SNTG2: variants seen among roughly 807,000 people sequenced by gnomAD.
The protein encoded by SNTG2 is gamma-2-syntrophin.
Under a neutral mutation model 70.9 loss-of-function variants are expected in SNTG2, and 74 were observed. The ratio of observed to expected loss-of-function variants is 1.04; its 90% CI spans 0.86 to 1.27. SNTG2 has a LOEUF of 1.27. SNTG2 is among the 50% of genes most tolerant of loss of function. The pLI is 0.00. For missense variants in SNTG2, 717 were observed against 690.7 expected (o/e 1.04, Z -0.43); for synonymous variants, 278 against 273.8 (o/e 1.02, Z -0.15).
chr2:1,049,269 C>T (rs1661916038), intron 1 of SNTG2, among the ~76,000 whole-genome samples: 1 of 152,162 alleles, frequency 6.6e-6, no homozygotes, highest in South Asian at 2.1e-4. Context: ...ATTATAGTTT[C>T]ATACAGAGTC....
chr2:1,271,774 A>G (rs1447603288), intron 14 of SNTG2, among the ~76,000 whole-genome samples: 1 of 152,132 alleles, frequency 6.6e-6, no homozygotes, highest in African/African-American at 2.4e-5. Context: ...TAGCTGTGCC[A>G]GCCTAGGTCA....
At chr2:1,065,604 G>A (rs927275506) in intron 1 of SNTG2, among the ~76,000 whole-genome samples, 2 of 152,150 alleles carry the variant, frequency 1.3e-5, no homozygotes, top group African/African-American at 4.8e-5. Flanking sequence ...TTTCAAAGGA[G>A]GCATTTTTGT....
At chr2:1,221,917 CTCTCTCTGTCTCTCTCTGTCTCTG>C (rs1675016806) in intron 9 of SNTG2, among the ~76,000 whole-genome samples, 2 of 35,300 alleles carry the variant, frequency 5.7e-5, no homozygotes, top group Non-Finnish European at 1.0e-4. Flanking sequence ...CTGTCTCTGT[CTCTCTCTGTCTCTCTCTGTCTCTG>C]TCTGTCTCTG....
chr2:1,267,355 T>G lies in SNTG2; in HGVS notation c.1078-10T>G, dbSNP rs1230038809. ...CGCTGCACGTTTCCAATCCATGCTC[T>G]GTTTTTCAGTTCTGGCTCACAGAGG... is the stretch of plus-strand genomic sequence containing the variant. On this transcript the variant is annotated splice_polypyrimidine_tract_variant and intron_variant, in intron 13 of 16. Transcript: ENST00000308624. 1.3e-6 allele frequency: 2 copies of G among 1,586,756 alleles called. No homozygotes were observed. The highest frequency in any genetic ancestry group is 8.6e-7 in the Non-Finnish European group (1 of 1,165,020).
intron 1 of SNTG2, among the ~76,000 whole-genome samples, chr2:995,955 G>T (rs1377626903): frequency 6.6e-6 from 1 of 152,032 alleles, no homozygotes; most frequent in Non-Finnish European, 1.5e-5. Flanking sequence ...TAGAATTTCT[G>T]GTTTTAAAAT....
chr2:952,642 C>T (rs142393926), intron 1 of SNTG2, among the ~76,000 whole-genome samples: 4 of 148,556 alleles, frequency 2.7e-5, no homozygotes, highest in Non-Finnish European at 4.4e-5. Context: ...AACAGCCTGT[C>T]TGAATTGTAT....
intron 16 of SNTG2, among the ~76,000 whole-genome samples, chr2:1,352,015 G>A (rs1435773362): frequency 6.6e-6 from 1 of 152,142 alleles, no homozygotes; most frequent in African/African-American, 2.4e-5. Flanking sequence ...CCGACCTGGA[G>A]GTCCCTGGCC....
At chr2:1,065,912 A>G (rs554447511) in intron 1 of SNTG2, among the ~76,000 whole-genome samples, 1 of 152,338 alleles carries the variant, frequency 6.6e-6, no homozygotes, top group African/African-American at 2.4e-5. Flanking sequence ...TGCCAAATGA[A>G]GATAACTTAC....
intron 6 of SNTG2, among the ~76,000 whole-genome samples, chr2:1,156,023 C>T (rs114994612): frequency 0.014 from 2,091 of 152,186 alleles, 26 homozygotes; most frequent in Admixed American, 0.021. Flanking sequence ...AAAGGAACCC[C>T]GCCGAGGAGA....
At chr2:1,174,407 T>C (rs1289306254) in intron 8 of SNTG2, among the ~76,000 whole-genome samples, 3 of 152,202 alleles carry the variant, frequency 2.0e-5, no homozygotes, top group Admixed American at 2.0e-4. Flanking sequence ...GTGAGGTTTT[T>C]TGCTGTATGA....
At chr2:1,242,797 CTGAT>C (rs1272690828) in intron 11 of SNTG2, 1 of 152,096 alleles carries the variant, frequency 6.6e-6, no homozygotes, top group Non-Finnish European at 1.5e-5. Context: ...ATTATCTTGA[CTGAT>C]GGGGTGAAAA....
At chr2:1,125,742 CTT>C (rs35111073) in intron 4 of SNTG2, among the ~76,000 whole-genome samples, 54,277 of 151,918 alleles carry the variant, frequency 0.36, 11,590 homozygotes, top group Non-Finnish European at 0.49. Flanking sequence ...CTTTTTCTCT[CTT>C]GGGGCAAAAA....
intron 1 of SNTG2, among the ~76,000 whole-genome samples, chr2:1,039,593 T>C (rs1351572932): frequency 6.6e-6 from 1 of 152,186 alleles, no homozygotes; most frequent in Non-Finnish European, 1.5e-5. Flanking sequence ...CTTGGGGGGA[T>C]GGCAGAATCA....
intron 8 of SNTG2, among the ~76,000 whole-genome samples, chr2:1,198,747 T>C (rs6749473): frequency 0.32 from 49,284 of 151,882 alleles, 8,537 homozygotes; most frequent in East Asian, 0.65. Context: ...CATCAGAGAC[T>C]ATTAACCACT....
At position 1,361,344 on chromosome 2, in the gene SNTG2, T is replaced by TAA. The variant is rs777254909; in HGVS notation, c.1489-5999_1489-5998insAA. The stretch of plus-strand genomic sequence containing the variant: ...ATAAATGGTCATCAAGTTGACCCAT[T>TAA]TAAAAAAAAAAACTCACAGAATTTT... On this transcript the variant is annotated intron_variant, in intron 16 of 16. Coordinates refer to ENST00000308624, the MANE Select transcript of SNTG2 (RefSeq NM_018968.4). 1.5e-3 allele frequency among the ~76,000 whole-genome samples: 99 copies of TAA among 67,264 alleles called. 1 individual carries two copies. The highest frequency in any genetic ancestry group is 2.6e-3 in the Non-Finnish European group (89 of 33,742). The allele number at this position is 67,264 out of a possible 152,430, so 44.1% of individuals were successfully genotyped here.
chr2:1,112,097 C>A (rs552081783), intron 4 of SNTG2, among the ~76,000 whole-genome samples: 3 of 151,316 alleles, frequency 2.0e-5, no homozygotes, highest in Non-Finnish European at 2.9e-5. Context: ...TGAGGTTAAA[C>A]CCTTACAGTA....
chr2:1,025,272 CAT>C (rs1491099853), intron 1 of SNTG2, among the ~76,000 whole-genome samples: 1 of 152,124 alleles, frequency 6.6e-6, no homozygotes. Context: ...GGTTGGTAAA[CAT>C]AGCACAGGAC....
At chr2:1,124,442 T>C (rs557483669) in intron 4 of SNTG2, among the ~76,000 whole-genome samples, 107 of 152,078 alleles carry the variant, frequency 7.0e-4, no homozygotes, top group African/African-American at 2.6e-3. Context: ...CTACAGGTGC[T>C]CGCCACCACG....
intron 14 of SNTG2, among the ~76,000 whole-genome samples, chr2:1,295,439 G>A (rs1008853140): frequency 6.6e-6 from 1 of 152,188 alleles, no homozygotes; most frequent in Non-Finnish European, 1.5e-5. Flanking sequence ...TAACTTCAGT[G>A]TTTCTTAGTT....
Sources: gnomAD v4.1 joint callset for allele counts (sites outside exome capture counted in the v4.1 genomes callset) on GRCh38, gnomAD v4.1.1 for gene constraint, MANE v1.5 for transcripts, NCBI Gene and HGNC (gene_info 2026-07-23, HGNC 2026-07-21) for gene names.